Variants in TRPC4AP observed in about 807,000 individuals in gnomAD.
The protein encoded by TRPC4AP is short transient receptor potential channel 4-associated protein.
Under a neutral mutation model 99.0 loss-of-function variants are expected in TRPC4AP, and 45 were observed. The observed-to-expected ratio is 0.45, with a 90% CI of 0.36 to 0.58. The LOEUF is 0.58. TRPC4AP is among the 20% of genes least tolerant of loss of function. The probability of loss-of-function intolerance (pLI) is 0.00; values close to 1 mark genes in which losing one functional copy is unlikely to be tolerated. For synonymous variants in TRPC4AP, 408 were observed against 385.8 expected, an observed-to-expected ratio of 1.06 and a Z score of -0.67; for missense variants, 879 against 985.3, an observed-to-expected ratio of 0.89 and a Z score of 1.44.
At chr20:35,083,774 G>C (rs1036080212) in intron 1 of TRPC4AP, among the ~76,000 whole-genome samples, 1 of 151,158 alleles carries the variant, frequency 6.6e-6, no homozygotes, top group African/African-American at 2.4e-5. Context: ...CAGAGAGTGT[G>C]CCCCAGGAAA....
intron 2 of TRPC4AP, among the ~76,000 whole-genome samples, chr20:35,075,032 G>C (rs964957998): frequency 1.1e-4 from 16 of 151,510 alleles, no homozygotes; most frequent in African/African-American, 3.9e-4. Context: ...TGTCTCTTTT[G>C]ATCTTTGTTG....
At chr20:35,024,313 T>A (rs2082966002) in intron 8 of TRPC4AP, among the ~76,000 whole-genome samples, 1 of 152,174 alleles carries the variant, frequency 6.6e-6, no homozygotes, top group Non-Finnish European at 1.5e-5. Context: ...AGTCACTTCC[T>A]ATTTCCCACC....
intron 7 of TRPC4AP, among the ~76,000 whole-genome samples, 180 bp from the exon 8 acceptor site, chr20:35,035,488 CAGT>C (rs1315097418): frequency 6.6e-6 from 1 of 152,122 alleles, no homozygotes; most frequent in East Asian, 1.9e-4. Flanking sequence ...GGCATAAGCT[CAGT>C]TTTTAGCAGG....
At chr20:35,020,230 T>C (rs1339687040) in intron 9 of TRPC4AP, among the ~76,000 whole-genome samples, 1 of 152,222 alleles carries the variant, frequency 6.6e-6, no homozygotes, top group Non-Finnish European at 1.5e-5. Context: ...ATGGTCGCCC[T>C]ATTCCCTTCC....
At chr20:35,014,314 A>ATTTT (rs66518839) in intron 10 of TRPC4AP, among the ~76,000 whole-genome samples, 3,898 of 113,058 alleles carry the variant, frequency 0.034, 269 homozygotes, top group African/African-American at 0.087. Context: ...CTCAGGCAGA[A>ATTTT]TTTTTTTTTT....
At chr20:35,048,211 T>A (rs1263624732) in intron 6 of TRPC4AP, among the ~76,000 whole-genome samples, 1 of 135,978 alleles carries the variant, frequency 7.4e-6, no homozygotes, top group Non-Finnish European at 1.5e-5. Flanking sequence ...GTAAGAATTC[T>A]GTTTTTTTTT....
Position 35,003,434 on chromosome 20 carries a change from G to A in TRPC4AP, c.2232C>T (p.Asp744=), listed in dbSNP as rs749041992. ...CGTTCTCTAGGCAGGTGCTGTCCTT[G>A]TCCTTGTGCAGGTAGTGCTGCTGCC... ...RFWQQHYLHK[D]KDSTCLENSS... is the part of the protein sequence containing the mutation. Residue 744 remains aspartate, a synonymous_variant, in exon 18 of 19, where the codon GAC becomes GAT. Coordinates refer to ENST00000252015, the MANE Select transcript of TRPC4AP (RefSeq NM_015638.3). The A allele has an allele frequency of 3.4e-5, 55 of 1,614,064 alleles. No homozygotes were observed. Among genetic ancestry groups the A allele is most frequent in the South Asian group, 1.6e-4 (15 of 91,094 alleles).
In TRPC4AP at chr20:35,078,183, C is replaced by T. The variant is rs544860182; in HGVS notation, c.169-9G>A. 1.9e-6 allele frequency: 3 copies of T among 1,604,196 alleles called. No homozygotes were observed. Among genetic ancestry groups the T allele is most frequent in the East Asian group, 4.5e-5 (2 of 44,780 alleles). On this transcript the variant is annotated splice_polypyrimidine_tract_variant and intron_variant, in intron 1 of 18. Transcript: ENST00000252015. ...AAAAAAGTCTCAGTGAACTGTGAGTCAAAAAAAGAGAGAACATATTATTGT... is the reference window on the plus strand; with the variant it reads ...AAAAAAGTCTCAGTGAACTGTGAGTTAAAAAAAGAGAGAACATATTATTGT...
chr20:35,016,017 G>A lies in TRPC4AP; in HGVS notation c.1341C>T (p.Asp447=). Residue 447 remains aspartate (D), a synonymous_variant, in exon 10 of 19, where the codon GAC becomes GAT. Transcript: ENST00000252015. ...LVLHGHNQNC[D]CSPDITLKIQ... is the part of the protein sequence containing the mutation. ...GGGGTCTCCTGCTTACCGGGCTACA[G>A]TCACAGTTCTGGTTGTGACCATGGA... 6.2e-7 allele frequency: 1 copy of A among 1,614,206 alleles called. No homozygotes were observed. Among genetic ancestry groups the A allele is most frequent in the Non-Finnish European group, 8.5e-7 (1 of 1,180,042 alleles).
Position 35,002,781 on chromosome 20 carries a change from T to A in TRPC4AP, c.*365A>T, listed in dbSNP as rs8501. The A allele has an allele frequency of 2.1e-5, 4 of 192,842 alleles. No individual in the cohort carries two copies. Among genetic ancestry groups the A allele is most frequent in the Non-Finnish European group, 4.3e-5 (4 of 93,774 alleles). 11.9% of individuals were successfully genotyped at this position (192,842 alleles called of 1,614,324 possible). The stretch of plus-strand genomic sequence containing the variant: ...GGAGGCTTGGCTCACAGATGGGGGG[T>A]GGGGGTCACCCATATCTTCCTCCCC... On this transcript the variant is annotated 3_prime_UTR_variant, in exon 19 of 19. Coordinates refer to ENST00000252015, the MANE Select transcript of TRPC4AP (RefSeq NM_015638.3).
At chr20:35,090,132 T>C (rs548318363) in intron 1 of TRPC4AP, among the ~76,000 whole-genome samples, 58 of 150,152 alleles carry the variant, frequency 3.9e-4, no homozygotes, top group South Asian at 6.3e-4. Context: ...AAATAACTTA[T>C]TCTGCAGGAT....
At chr20:35,078,628 A>G (rs1032839957) in intron 1 of TRPC4AP, among the ~76,000 whole-genome samples, 1 of 152,224 alleles carries the variant, frequency 6.6e-6, no homozygotes, top group African/African-American at 2.4e-5. Flanking sequence ...ATCCAACTAT[A>G]TCAATAATCA....
rs554639673 is a variant in TRPC4AP at position 35,087,212 on chromosome 20, A to G, written c.168+5402T>C. On this transcript the variant is annotated intron_variant, in intron 1 of 18. Coordinates refer to ENST00000252015, the MANE Select transcript of TRPC4AP (RefSeq NM_015638.3). The stretch of plus-strand genomic sequence containing the variant: ...AAATTAGCCAGGCGTGGTGGCGGGC[A>G]CCTGTAGTCCCAGCTACTCGGGAGG... Among the ~76,000 whole-genome samples the G allele has an allele frequency of 5.5e-3, 781 of 141,478 alleles. 7 individuals carry two copies. Among genetic ancestry groups the G allele is most frequent in the Middle Eastern group, 0.021 (5 of 234 alleles). 92.8% of individuals were successfully genotyped at this position (141,478 alleles called of 152,430 possible).
intron 10 of TRPC4AP, among the ~76,000 whole-genome samples, chr20:35,013,282 C>G (rs2082678792): frequency 6.6e-6 from 1 of 152,104 alleles, no homozygotes; most frequent in African/African-American, 2.4e-5. Flanking sequence ...CATGCCATCA[C>G]ACTCAATAAA....
chr20:35,011,781 A>G (rs1438614693), intron 11 of TRPC4AP, among the ~76,000 whole-genome samples: 5 of 152,146 alleles, frequency 3.3e-5, no homozygotes, highest in Non-Finnish European at 4.4e-5. Context: ...TGTTCACTCA[A>G]TTCACTACAA....
At chr20:35,005,042 A>G (rs991117111) in intron 16 of TRPC4AP, among the ~76,000 whole-genome samples, 1 of 152,182 alleles carries the variant, frequency 6.6e-6, no homozygotes, top group African/African-American at 2.4e-5. Flanking sequence ...TCCGTCCACT[A>G]GTGTCGGAGC....
At chr20:35,064,679 A>G (rs1186985353) in intron 3 of TRPC4AP, among the ~76,000 whole-genome samples, 1 of 152,204 alleles carries the variant, frequency 6.6e-6, no homozygotes, top group Non-Finnish European at 1.5e-5. Flanking sequence ...AACAATGAAA[A>G]CTGCCCTGAA....
At chr20:35,056,413 A>C (rs781451566) in intron 4 of TRPC4AP, among the ~76,000 whole-genome samples, 11 of 152,156 alleles carry the variant, frequency 7.2e-5, no homozygotes, top group Admixed American at 5.2e-4. Context: ...CCAACAAATA[A>C]TTACAATATG....
intron 3 of TRPC4AP, among the ~76,000 whole-genome samples, chr20:35,067,441 G>A (rs908989901): frequency 2.0e-5 from 3 of 152,142 alleles, no homozygotes; most frequent in Non-Finnish European, 4.4e-5. Context: ...AGGGCCTCTT[G>A]GAAAACATTC....
Sources: gnomAD v4.1 joint callset for allele counts (sites outside exome capture counted in the v4.1 genomes callset) on GRCh38, gnomAD v4.1.1 for gene constraint, MANE v1.5 for transcripts, NCBI Gene and HGNC (gene_info 2026-07-23, HGNC 2026-07-21) for gene names.